The following GPR176 variants were observed in gnomAD, a reference collection of about 807,000 sequenced individuals.
GPR176 encodes G-protein coupled receptor 176.
A neutral mutation model predicts 35.4 loss-of-function variants in GPR176; 26 were observed. The ratio of observed to expected loss-of-function variants is 0.74; its 90% CI spans 0.54 to 1.02. The LOEUF is 1.02. GPR176 is among the 50% of genes least tolerant of loss of function. The probability of loss-of-function intolerance (pLI) is 0.00; values close to 1 mark genes in which losing one functional copy is unlikely to be tolerated. For missense variants in GPR176, 597 were observed against 665.3 expected (o/e 0.90, Z 1.13); for synonymous variants, 278 against 271.3 (o/e 1.02, Z -0.24).
rs143759046 is a variant in GPR176, at chr15:39,825,288, T to C, written c.173-18030A>G. Among the ~76,000 whole-genome samples, 582 of 152,246 alleles carry C rather than the reference T, an allele frequency of 3.8e-3. 5 individuals are homozygous for C. The highest frequency in any genetic ancestry group is 0.013 in the African/African-American group (553 of 41,548). On this transcript the variant is annotated intron_variant, in intron 1 of 2. Transcript: ENST00000561100. ...ATCTTAAGAAAAGCATGGTAAATAT[T>C]CTGGTCTTCACTTTTTCATACATGT...
At chr15:39,831,149 G>A (rs1221904231) in intron 1 of GPR176, among the ~76,000 whole-genome samples, 2 of 152,174 alleles carry the variant, frequency 1.3e-5, no homozygotes, top group Non-Finnish European at 1.5e-5. Flanking sequence ...AGCAAACAAT[G>A]GAAATTTGGA....
chr15:39,821,958 C>A (rs1181336984), intron 1 of GPR176, among the ~76,000 whole-genome samples: 5 of 152,236 alleles, frequency 3.3e-5, no homozygotes, highest in African/African-American at 1.2e-4. Context: ...ATTTCCAAGG[C>A]TAGGTCACAA....
chr15:39,897,661 C>T (rs1016041957), intron 1 of GPR176, among the ~76,000 whole-genome samples: 2 of 130,506 alleles, frequency 1.5e-5, no homozygotes, highest in Non-Finnish European at 3.1e-5. Flanking sequence ...GGCCGGACTG[C>T]GGACTGCAGT....
At chr15:39,850,514 T>C (rs2030785469) in intron 1 of GPR176, among the ~76,000 whole-genome samples, 1 of 152,182 alleles carries the variant, frequency 6.6e-6, no homozygotes, top group African/African-American at 2.4e-5. Flanking sequence ...AAGACAAAAA[T>C]CATAGAAATG....
chr15:39,800,531 G>A lies in GPR176; in HGVS notation c.*601C>T, dbSNP rs932521241. The A allele has an allele frequency of 1.3e-5, 2 of 153,336 alleles. No homozygotes were observed. Among genetic ancestry groups the A allele is most frequent in the African/African-American group, 4.8e-5 (2 of 41,416 alleles). The allele number at this position is 153,336 out of a possible 1,614,324, so 9.5% of individuals were successfully genotyped here. On this transcript the variant is annotated 3_prime_UTR_variant, in exon 3 of 3. Transcript: ENST00000561100. Reference sequence around the variant, plus strand: ...ATCTATCGCCATGTGTACCATAGGTGAGGAATCGTCATTCCTTACCTACAT... The same window carrying A: ...ATCTATCGCCATGTGTACCATAGGTAAGGAATCGTCATTCCTTACCTACAT...
intron 1 of GPR176, among the ~76,000 whole-genome samples, chr15:39,868,927 GA>G (rs1456009847): frequency 6.6e-6 from 1 of 151,378 alleles, no homozygotes; most frequent in East Asian, 1.9e-4. Context: ...GAGGTCACCG[GA>G]AATGGGAAAT....
At position 39,801,878 on chromosome 15, in the gene GPR176, G is replaced by A; in HGVS notation, c.802C>T (p.Leu268=). 2 of 1,614,080 alleles carry A rather than the reference G, an allele frequency of 1.2e-6. No individual in the cohort carries two copies. The highest frequency in any genetic ancestry group is 1.6e-4 in the Middle Eastern group (1 of 6,062). ...SQREAELHAT[L]LSMVMVFILC... ...ATGAAGACCATCACCATGGAGAGCAGGGTGGCGTGCAGCTCGGCCTCCCGC... is the reference window on the plus strand; with the variant it reads ...ATGAAGACCATCACCATGGAGAGCAAGGTGGCGTGCAGCTCGGCCTCCCGC... The change falls in exon 3 of 3, where the codon CTG becomes TTG. Residue 268 remains leucine, a synonymous_variant. Transcript: ENST00000561100.
At chr15:39,862,494 T>C (rs1424155187) in intron 1 of GPR176, 2 of 152,214 alleles carry the variant, frequency 1.3e-5, no homozygotes. Context: ...TAGTTTCAGG[T>C]CACACACTTG....
chr15:39,872,508 G>C (rs1467483005), intron 1 of GPR176, among the ~76,000 whole-genome samples: 2 of 152,188 alleles, frequency 1.3e-5, no homozygotes, highest in African/African-American at 4.8e-5. Flanking sequence ...TACCAGGAAA[G>C]GACTTCACTG....
chr15:39,868,141 A>ATCC (rs2031904204), intron 1 of GPR176, among the ~76,000 whole-genome samples: 1 of 152,130 alleles, frequency 6.6e-6, no homozygotes, highest in Non-Finnish European at 1.5e-5. Flanking sequence ...GAATGAACTG[A>ATCC]GTTTTACACT....
intron 1 of GPR176, among the ~76,000 whole-genome samples, chr15:39,833,496 C>T (rs566865099): frequency 4.6e-5 from 7 of 152,024 alleles, no homozygotes; most frequent in East Asian, 1.9e-4. Context: ...GGGCTGAGGG[C>T]GAAGGGAACT....
intron 1 of GPR176, among the ~76,000 whole-genome samples, chr15:39,841,515 G>A (rs1177714417): frequency 6.6e-6 from 1 of 152,122 alleles, no homozygotes; most frequent in Non-Finnish European, 1.5e-5. Context: ...AAGATGACAG[G>A]AAGACCCACA....
At chr15:39,856,362 C>T (rs275714) in intron 1 of GPR176, among the ~76,000 whole-genome samples, 143,938 of 152,308 alleles carry the variant, frequency 0.95, 68,286 homozygotes, top group Non-Finnish European at 0.99. Flanking sequence ...TAGTTATCTA[C>T]TGCTGCATAA....
chr15:39,867,783 C>G, intron 1 of GPR176, among the ~76,000 whole-genome samples: 1 of 152,054 alleles, frequency 6.6e-6, no homozygotes, highest in East Asian at 1.9e-4. Context: ...GGAGTGGACA[C>G]AAGGCTAAGG....
Position 39,807,045 on chromosome 15 carries a change from G to A in GPR176, c.386C>T (p.Ser129Phe). The A allele has an allele frequency of 6.2e-7, 1 of 1,613,416 alleles. No individual in the cohort carries two copies. The highest frequency in any genetic ancestry group is 8.5e-7 in the Non-Finnish European group (1 of 1,179,442). ...VVKFLHKVFC[S>F]VTILSFPAIA... ...AGCAGGGAAGCTGAGGATGGTCACA[G>A]AGCAGAATACTTTGTGCAAAAATTT... Residue 129 changes from serine (S) to phenylalanine (F), a missense_variant, in exon 2 of 3, where the codon TCT becomes TTT. Ser to Phe is a radical substitution (Grantham distance 155, BLOSUM62 -2). This residue lies in a region of GPR176 where 220 missense variants were observed against 297.6 expected (regional missense o/e 0.74). Transcript: ENST00000561100.
chr15:39,898,603 G>A (rs922257458), intron 1 of GPR176, among the ~76,000 whole-genome samples: 1 of 152,098 alleles, frequency 6.6e-6, no homozygotes, highest in Non-Finnish European at 1.5e-5. Context: ...TGTACCCTGG[G>A]AGCCAAGCGT....
intron 1 of GPR176, among the ~76,000 whole-genome samples, chr15:39,852,069 C>T (rs1443178963): frequency 6.6e-6 from 1 of 152,128 alleles, no homozygotes; most frequent in African/African-American, 2.4e-5. Context: ...TCCTACATAT[C>T]CCTTTCTTTC....
chr15:39,887,446 G>A (rs890562843), intron 1 of GPR176, among the ~76,000 whole-genome samples: 5 of 152,174 alleles, frequency 3.3e-5, no homozygotes, highest in African/African-American at 1.2e-4. Context: ...ATGCCGCTGT[G>A]TAAAACAGCA....
chr15:39,840,322 G>A (rs1901663129), intron 1 of GPR176, among the ~76,000 whole-genome samples: 1 of 152,188 alleles, frequency 6.6e-6, no homozygotes. Flanking sequence ...ATGAGTTCAT[G>A]TCCTTTGTAG....
Sources: gnomAD v4.1 joint callset for allele counts (sites outside exome capture counted in the v4.1 genomes callset) on GRCh38, gnomAD v4.1.1 for gene constraint, gnomAD v4.1.1 regional missense constraint, MANE v1.5 for transcripts, NCBI Gene and HGNC (gene_info 2026-07-23, HGNC 2026-07-21) for gene names.